Variants in COL1A2 observed in about 807,000 individuals in gnomAD.
COL1A2 encodes collagen type I alpha 2 chain, also known as collagen alpha-2(I) chain.
In COL1A2, 49 loss-of-function variants were observed where a neutral mutation model predicts 174.3. That is an observed-to-expected ratio of 0.28 (90% CI 0.22 to 0.36). COL1A2 has a LOEUF of 0.36. COL1A2 is among the 10% of genes least tolerant of loss of function. The pLI, the probability that COL1A2 is intolerant of heterozygous loss-of-function variation, is 1.00. For missense variants in COL1A2, 1,438 were observed against 1,822.7 expected (o/e 0.79, Z 3.84); for synonymous variants, 655 against 606.6 (o/e 1.08, Z -1.17).
At chr7:94,400,335 A>G in intron 5 of COL1A2, 47 bp downstream of exon 5, 3 of 1,499,744 alleles carry the variant, frequency 2.0e-6, no homozygotes, top group Non-Finnish European at 2.8e-6. Context: ...TTCAGTTGAA[A>G]GAAGGTTTAT....
chr7:94,424,378 C>T lies in COL1A2; in HGVS notation c.2608C>T (p.Pro870Ser). 1 of 1,614,098 alleles carries T rather than the reference C, an allele frequency of 6.2e-7. No individual in the cohort carries two copies. Residue 870 changes from proline to serine, a missense_variant, in exon 41 of 52, where the codon CCT (proline) becomes TCT (serine). Pro to Ser is a moderately conservative substitution (Grantham distance 74). Around this residue, in one of 3 missense-constraint regions of COL1A2, gnomAD observed 867 missense variants for 1,213.7 expected, o/e 0.71. Coordinates refer to ENST00000297268, the MANE Select transcript of COL1A2 (RefSeq NM_000089.4). ...TPGPQGLLGA[P>S]GILGLPGSRG... ...AGGTCCTCAGGGTCTTCTTGGTGCTCCTGGTATTCTGGGTCTCCCTGGCTC... is the reference window on the plus strand; with the variant it reads ...AGGTCCTCAGGGTCTTCTTGGTGCTTCTGGTATTCTGGGTCTCCCTGGCTC...
chr7:94,426,735 A>C lies in COL1A2; in HGVS notation c.3105+205A>C, dbSNP rs138030221. On this transcript the variant is annotated intron_variant, in intron 46 of 51. Coordinates refer to ENST00000297268, the MANE Select transcript of COL1A2 (RefSeq NM_000089.4). ...AGGATTAAGGGAGATAGAAATAGAC[A>C]TACAATAAAATCTCCTGGTAACAAT... 1.2e-3 allele frequency: 732 copies of C among 632,410 alleles called. 5 individuals carry two copies. The highest frequency in any genetic ancestry group is 0.011 in the African/African-American group (604 of 54,588). 39.2% of individuals were successfully genotyped at this position (632,410 alleles called of 1,614,324 possible). A position where few individuals can be genotyped will look rare whatever the true frequency, so the allele number is the denominator to read the frequency against.
rs1792046362 is a variant in COL1A2, at chr7:94,416,585, G to T, written c.1863+82G>T. 4 of 1,093,000 alleles carry T rather than the reference G, an allele frequency of 3.7e-6. No individual in the cohort carries two copies. The South Asian group carries it at 5.4e-5, about 15-fold the overall frequency. The allele number at this position is 1,093,000 out of a possible 1,614,324, so 67.7% of individuals were successfully genotyped here. A position where few individuals can be genotyped will look rare whatever the true frequency, so the allele number is the denominator to read the frequency against. On this transcript the variant is annotated intron_variant, in intron 31 of 51. Coordinates refer to ENST00000297268, the MANE Select transcript of COL1A2 (RefSeq NM_000089.4). ...GACCCTTTACAATAGAAAGATAATT[G>T]TTTTTCAGATTTTTATTTATTTCCA...
chr7:94,423,583 T>A (rs1482081600), intron 40 of COL1A2: 1 of 170,556 alleles, frequency 5.9e-6, no homozygotes, highest in African/African-American at 2.4e-5. Flanking sequence ...TTGTTTTTGT[T>A]TTTTGTTTTT....
At position 94,404,654 on chromosome 7, in the gene COL1A2, A is replaced by C. The variant is rs1407966160; in HGVS notation, c.325-39A>C. On this transcript the variant is annotated intron_variant, in intron 7 of 51. Transcript: ENST00000297268. Reference sequence around the variant, plus strand: ...TATGTAAAAAGACAGAGAATTAAGAAATAAAGGCTTGGAGTATGACATTCT... The same window carrying C: ...TATGTAAAAAGACAGAGAATTAAGACATAAAGGCTTGGAGTATGACATTCT... The C allele has an allele frequency of 4.3e-6, 7 of 1,614,042 alleles. No homozygotes were observed. The Middle Eastern group carries it at 4.9e-4, about 114-fold the overall frequency.
At chr7:94,422,540 A>C (rs1584327573) in intron 39 of COL1A2, 1 of 193,758 alleles carries the variant, frequency 5.2e-6, no homozygotes, top group East Asian at 1.3e-4. Context: ...GGATTCCTCA[A>C]TTATGAACAA....
chr7:94,398,033 A>G (rs1160875762), intron 2 of COL1A2, among the ~76,000 whole-genome samples: 1 of 152,108 alleles, frequency 6.6e-6, no homozygotes, highest in Non-Finnish European at 1.5e-5. Context: ...GAGTTTTAGG[A>G]TCAGCTTCTA....
chr7:94,429,369 T>C lies in COL1A2; in HGVS notation c.3893T>C (p.Val1298Ala). 6.2e-7 allele frequency: 1 copy of C among 1,614,048 alleles called. No individual in the cohort carries two copies. Among genetic ancestry groups the C allele is most frequent in the Non-Finnish European group, 8.5e-7 (1 of 1,179,938 alleles). The change falls in exon 51 of 52, where the codon GTT becomes GCT. Residue 1298 changes from valine to alanine, a missense_variant. This residue lies in a region of COL1A2 where 290 missense variants were observed against 298.1 expected (regional missense o/e 0.97). Transcript: ENST00000297268. ...GTCATTCTACAGGGCTCTAATGATG[T>C]TGAACTTGTTGCTGAGGGCAACAGC... ...KAVILQGSND[V>A]ELVAEGNSRF...
rs1159863839 is a variant in COL1A2 at position 94,399,177 on chromosome 7, T to C, written c.132+93T>C. On this transcript the variant is annotated intron_variant, in intron 4 of 51. Transcript: ENST00000297268. ...GAACTGGCAATTTATAAGAATATTATGTATCCAGATAATTGTACACCCCTT... is the reference window on the plus strand; with the variant it reads ...GAACTGGCAATTTATAAGAATATTACGTATCCAGATAATTGTACACCCCTT... 6 of 1,179,240 alleles carry C rather than the reference T, an allele frequency of 5.1e-6. No homozygotes were observed. In the East Asian group the frequency reaches 7.0e-5, roughly 14 times the overall value. 73.0% of individuals were successfully genotyped at this position (1,179,240 alleles called of 1,614,324 possible).
chr7:94,423,569 CTTTTTGTTTTTGTTTTTTG>C (rs558092603), intron 40 of COL1A2: 158 of 170,298 alleles, frequency 9.3e-4, no homozygotes, highest in African/African-American at 3.7e-3. Flanking sequence ...TACTGATTTC[CTTTTTGTTTTTGTTTTTTG>C]TTTTTGTTTT....
At position 94,417,565 on chromosome 7, in the gene COL1A2, G is replaced by C. The variant is rs1462209455; in HGVS notation, c.1864-159G>C. The C allele has an allele frequency of 4.5e-6, 3 of 670,436 alleles. No individual in the cohort carries two copies. In the African/African-American group the frequency reaches 5.3e-5, roughly 12 times the overall value. 41.5% of individuals were successfully genotyped at this position (670,436 alleles called of 1,614,324 possible). A position where few individuals can be genotyped will look rare whatever the true frequency, so the allele number is the denominator to read the frequency against. ...CATGTCATTAACAGCATCTCTCTCTGCTATATTCTCCCTCCTTTCAATAGC... is the reference window on the plus strand; with the variant it reads ...CATGTCATTAACAGCATCTCTCTCTCCTATATTCTCCCTCCTTTCAATAGC... On this transcript the variant is annotated intron_variant, in intron 31 of 51. Transcript: ENST00000297268.
At chr7:94,405,751 A>G in intron 11 of COL1A2, 25 bp downstream of exon 11, 2 of 1,590,636 alleles carry the variant, frequency 1.3e-6, no homozygotes, top group Non-Finnish European at 1.7e-6. Context: ...TACTCAGAAG[A>G]GAGAAAATGC....
chr7:94,428,262 T>C (rs760762057), intron 49 of COL1A2, 31 bp from the exon 50 acceptor site: 2 of 1,549,252 alleles, frequency 1.3e-6, no homozygotes, highest in Non-Finnish European at 1.8e-6. Flanking sequence ...CAATGAGAAG[T>C]TTCATGATCT....
intron 24 of COL1A2, 134 bp downstream of exon 24, chr7:94,412,255 G>T (rs1319258676): frequency 1.2e-6 from 1 of 811,586 alleles, no homozygotes; most frequent in African/African-American, 1.7e-5. Flanking sequence ...GGAATGCAGA[G>T]TAATAGATTG....
chr7:94,410,121 A>G (rs776348813), intron 19 of COL1A2, 121 bp from the exon 20 acceptor site: 2 of 977,808 alleles, frequency 2.0e-6, no homozygotes, highest in East Asian at 2.5e-5. Flanking sequence ...TGAACAGGGT[A>G]CATTTCCTAG....
chr7:94,417,337 C>T, intron 31 of COL1A2: 1 of 294,814 alleles, frequency 3.4e-6, no homozygotes, highest in South Asian at 3.5e-5. Flanking sequence ...ACAAACATCT[C>T]CTCAATTGAC....
chr7:94,408,621 C>G (rs1289795991), intron 15 of COL1A2, 149 bp from the exon 16 acceptor site: 6 of 989,934 alleles, frequency 6.1e-6, no homozygotes, highest in Non-Finnish European at 9.3e-6. Context: ...TTGATGAGAT[C>G]CTAACGACAA....
chr7:94,427,631 C>T lies in COL1A2; in HGVS notation c.3272C>T (p.Pro1091Leu). 2 of 1,614,106 alleles carry T rather than the reference C, an allele frequency of 1.2e-6. No individual in the cohort carries two copies. Among genetic ancestry groups the T allele is most frequent in the Middle Eastern group, 1.7e-4 (1 of 6,056 alleles). The part of the protein sequence containing the change: ...GPQGHQGPAG[P>L]PGPPGPPGPP... ...ATCTCACTTTCACCTTTGCAGGGCC[C>T]CCCTGGTCCCCCTGGCCCTCCTGGA... Residue 1091 changes from proline to leucine, a missense_variant, in exon 49 of 52, where the codon CCC becomes CTC. Around this residue, in one of 3 missense-constraint regions of COL1A2, gnomAD observed 867 missense variants for 1,213.7 expected, o/e 0.71. Coordinates refer to ENST00000297268, the MANE Select transcript of COL1A2 (RefSeq NM_000089.4).
intron 23 of COL1A2, 52 bp from the exon 24 acceptor site, chr7:94,412,016 T>G (rs755492932): frequency 6.8e-7 from 1 of 1,479,798 alleles, no homozygotes; most frequent in Non-Finnish European, 9.4e-7. Context: ...ATCTAAGGCT[T>G]GAGTATGTAA....
Sources: allele counts gnomAD v4.1 joint callset (sites outside exome capture counted in the v4.1 genomes callset), GRCh38; gene constraint gnomAD v4.1.1; regional missense constraint gnomAD v4.1.1; transcripts MANE v1.5; gene names NCBI Gene and HGNC (gene_info 2026-07-23, HGNC 2026-07-21).